The following RBFOX1 variants were observed in gnomAD, a reference collection of about 807,000 sequenced individuals.
RBFOX1 encodes RNA binding protein fox-1 homolog 1.
Under a neutral mutation model 57.7 loss-of-function variants are expected in RBFOX1, and 8 were observed. The ratio of observed to expected loss-of-function variants is 0.14; its 90% CI spans 0.08 to 0.25. The LOEUF is 0.25. Ranked by LOEUF, RBFOX1 falls within the 10% of genes least tolerant of loss-of-function variation. The pLI is 1.00. For missense variants in RBFOX1, 611 were observed against 548.5 expected (o/e 1.11, Z -1.14); for synonymous variants, 326 against 222.4 (o/e 1.47, Z -4.15).
intron 3 of RBFOX1, among the ~76,000 whole-genome samples, chr16:6,836,440 G>A (rs56232360): frequency 0.29 from 44,045 of 152,098 alleles, 8,756 homozygotes; most frequent in East Asian, 0.74. Flanking sequence ...CTCCTTATTT[G>A]TTTGGGGATT....
At chr16:7,457,875 C>T (rs536944133) in intron 4 of RBFOX1, among the ~76,000 whole-genome samples, 4 of 152,196 alleles carry the variant, frequency 2.6e-5, no homozygotes, top group African/African-American at 9.6e-5. Context: ...TTCATCACCC[C>T]CTCCCCAATA....
intron 1 of RBFOX1, among the ~76,000 whole-genome samples, chr16:5,241,625 G>A: frequency 6.6e-6 from 1 of 152,206 alleles, no homozygotes; most frequent in East Asian, 1.9e-4. Flanking sequence ...AGTGGCAAAT[G>A]GATCTGTCAA....
intron 4 of RBFOX1, among the ~76,000 whole-genome samples, chr16:5,971,688 A>G (rs2059964361): frequency 6.6e-6 from 1 of 152,182 alleles, no homozygotes; most frequent in African/African-American, 2.4e-5. Context: ...CAGAAAAGTC[A>G]TATACGAAGG....
intron 3 of RBFOX1, among the ~76,000 whole-genome samples, chr16:6,756,016 G>C (rs996900202): frequency 2.6e-5 from 4 of 152,126 alleles, no homozygotes; most frequent in African/African-American, 9.7e-5. Context: ...AATCACATCA[G>C]CCCCGTTTGG....
chr16:7,517,388 G>C (rs62012729), intron 4 of RBFOX1, among the ~76,000 whole-genome samples: 2 of 152,072 alleles, frequency 1.3e-5, no homozygotes, highest in South Asian at 2.1e-4. Flanking sequence ...GGCAGGGAGG[G>C]AGAGGCATTG....
At chr16:6,603,573 C>G (rs1052595399) in intron 2 of RBFOX1, among the ~76,000 whole-genome samples, 8 of 152,180 alleles carry the variant, frequency 5.3e-5, no homozygotes, top group Non-Finnish European at 8.8e-5. Flanking sequence ...GATTCTGAGC[C>G]TCTTGGGGTA....
In RBFOX1 at chr16:7,145,634, C is replaced by A. The variant is rs144916322; in HGVS notation, c.27+93536C>A. Among the ~76,000 whole-genome samples the A allele has an allele frequency of 4.5e-4, 68 of 152,188 alleles. 1 individual carries two copies. In the East Asian group the frequency reaches 0.011, roughly 25 times the overall value. On this transcript the variant is annotated intron_variant, in intron 4 of 15. Coordinates refer to ENST00000550418, the MANE Select transcript of RBFOX1 (RefSeq NM_018723.4). ...TTATGTTAGTGGGGGTATTTAGGAA[C>A]CATGCTCATTTTCTGGGTGTTTAAT... is the stretch of plus-strand genomic sequence containing the variant.
chr16:5,781,244 C>T (rs948479293), intron 3 of RBFOX1, among the ~76,000 whole-genome samples: 2 of 152,150 alleles, frequency 1.3e-5, no homozygotes, highest in African/African-American at 4.8e-5. Context: ...GGTGCATCCT[C>T]TAAGTGGGGG....
At chr16:6,653,612 G>T (rs1314726435) in intron 2 of RBFOX1, among the ~76,000 whole-genome samples, 1 of 152,148 alleles carries the variant, frequency 6.6e-6, no homozygotes, top group Non-Finnish European at 1.5e-5. Flanking sequence ...TGAGTGGAAT[G>T]GTAGATGGAT....
chr16:5,449,795 A>G (rs531167253), intron 1 of RBFOX1, among the ~76,000 whole-genome samples: 54 of 152,114 alleles, frequency 3.5e-4, no homozygotes, highest in Non-Finnish European at 4.1e-4. Context: ...TTTTGTAGAG[A>G]CAGAGTCTCA....
chr16:7,230,115 G>C (rs1425904562), intron 4 of RBFOX1, among the ~76,000 whole-genome samples: 1 of 150,266 alleles, frequency 6.7e-6, no homozygotes, highest in Non-Finnish European at 1.5e-5. Context: ...GGAAGGGAGA[G>C]ATGGAAAGGA....
At chr16:6,218,043 G>T (rs2097347560) in intron 1 of RBFOX1, among the ~76,000 whole-genome samples, 1 of 152,082 alleles carries the variant, frequency 6.6e-6, no homozygotes, top group Non-Finnish European at 1.5e-5. Flanking sequence ...AACGTTGCAT[G>T]AATGAAAAGT....
chr16:6,676,825 G>A (rs1039896041), intron 3 of RBFOX1, among the ~76,000 whole-genome samples: 10 of 151,500 alleles, frequency 6.6e-5, no homozygotes, highest in South Asian at 2.1e-4. Context: ...ACAGGCACCC[G>A]CCACCACTCC....
At chr16:5,794,768 C>T (rs914154689) in intron 3 of RBFOX1, among the ~76,000 whole-genome samples, 3 of 152,144 alleles carry the variant, frequency 2.0e-5, no homozygotes, top group Admixed American at 1.3e-4. Flanking sequence ...TGAACATTAA[C>T]ATTTAATTAA....
rs1336206778 is a variant in RBFOX1, at chr16:7,634,969, A to C, written c.757+4286A>C. Among the ~76,000 whole-genome samples, 11 of 152,346 alleles carry C rather than the reference A, an allele frequency of 7.2e-5. 1 individual carries two copies. Among genetic ancestry groups the C allele is most frequent in the Admixed American group, 5.2e-4 (8 of 15,310 alleles). Reference sequence around the variant, plus strand: ...TTCAATAGAAACAATTCAACCCCTTAACAGAAAGGTTTAGTGAAATGGGCA... The same window carrying C: ...TTCAATAGAAACAATTCAACCCCTTCACAGAAAGGTTTAGTGAAATGGGCA... On this transcript the variant is annotated intron_variant, in intron 11 of 15. Transcript: ENST00000550418.
intron 4 of RBFOX1, among the ~76,000 whole-genome samples, chr16:7,420,639 T>A (rs1294032877): frequency 6.6e-6 from 1 of 152,046 alleles, no homozygotes; most frequent in East Asian, 1.9e-4. Flanking sequence ...TAGTGAAATT[T>A]GTTTTTCATG....
intron 1 of RBFOX1, among the ~76,000 whole-genome samples, chr16:6,305,925 G>T (rs1006482516): frequency 1.3e-5 from 2 of 152,122 alleles, no homozygotes; most frequent in Non-Finnish European, 2.9e-5. Context: ...TAGGTAGGAA[G>T]TTGAGCTTCA....
rs528932314 is a variant in RBFOX1, at chr16:6,132,717, A to C, written c.-127+112725A>C. Among the ~76,000 whole-genome samples the C allele has an allele frequency of 2.6e-5, 4 of 152,230 alleles. No homozygotes were observed. In the South Asian group the frequency reaches 8.3e-4, roughly 32 times the overall value. The stretch of plus-strand genomic sequence containing the variant: ...AAAAGTGAGATCTCTTTCTTCAACT[A>C]TGTAAAAATAAGTTATATCCCAGCA... On this transcript the variant is annotated intron_variant, in intron 1 of 15. Transcript: ENST00000550418.
At chr16:6,814,259 G>A (rs1453140382) in intron 3 of RBFOX1, among the ~76,000 whole-genome samples, 2 of 138,218 alleles carry the variant, frequency 1.4e-5, no homozygotes, top group Non-Finnish European at 3.1e-5. Flanking sequence ...GTGGGGGGGA[G>A]GGAGGAGGTC....
Sources: gnomAD v4.1 joint callset for allele counts (sites outside exome capture counted in the v4.1 genomes callset) on GRCh38, gnomAD v4.1.1 for gene constraint, MANE v1.5 for transcripts, NCBI Gene and HGNC (gene_info 2026-07-23, HGNC 2026-07-21) for gene names.